The following HOMER1 variants were observed in gnomAD, a reference collection of about 807,000 sequenced individuals.
HOMER1 encodes the protein homer protein homolog 1.
Under a neutral mutation model 48.9 loss-of-function variants are expected in HOMER1, and 3 were observed. The ratio of observed to expected loss-of-function variants is 0.06; its 90% CI spans 0.03 to 0.16. The LOEUF is 0.16. Among genes scored for constraint, HOMER1 ranks in the 10% least tolerant of loss-of-function variants. The probability of loss-of-function intolerance (pLI) is 1.00; values close to 1 mark genes in which losing one functional copy is unlikely to be tolerated. For synonymous variants in HOMER1, 134 were observed against 146.4 expected (o/e 0.92, Z 0.61); for missense variants, 247 against 411.4 (o/e 0.60, Z 3.46).
intron 1 of HOMER1, among the ~76,000 whole-genome samples, chr5:79,464,978 C>T (rs1386979374): frequency 2.0e-5 from 3 of 152,076 alleles, no homozygotes; most frequent in Admixed American, 6.5e-5. Context: ...ATAGCAAATA[C>T]AAAATTGTAA....
intron 5 of HOMER1, among the ~76,000 whole-genome samples, chr5:79,425,936 A>G (rs1019852455): frequency 2.6e-5 from 4 of 152,080 alleles, no homozygotes; most frequent in Admixed American, 1.3e-4. Context: ...TTGCTAATAT[A>G]AAGTTCCAAT....
intron 1 of HOMER1, among the ~76,000 whole-genome samples, chr5:79,461,256 G>A (rs539631700): frequency 2.6e-4 from 40 of 152,238 alleles, no homozygotes; most frequent in African/African-American, 9.1e-4. Context: ...TAAAAATCTA[G>A]CTCTTAATCT....
chr5:79,416,319 T>A (rs1322759144), intron 5 of HOMER1, among the ~76,000 whole-genome samples: 3 of 152,098 alleles, frequency 2.0e-5, no homozygotes, highest in Admixed American at 1.3e-4. Context: ...AATGAGAAAA[T>A]AAGTAAACAG....
At chr5:79,451,556 C>CTTTTTTTTTT (rs71615542) in intron 2 of HOMER1, among the ~76,000 whole-genome samples, 1 of 64,630 alleles carries the variant, frequency 1.5e-5, no homozygotes, top group African/African-American at 9.2e-5. Flanking sequence ...AAATATGACA[C>CTTTTTTTTTT]TTTTTTTTTT....
intron 1 of HOMER1, among the ~76,000 whole-genome samples, chr5:79,499,058 T>A (rs71634977): frequency 0.02 from 3,019 of 152,114 alleles, 50 homozygotes; most frequent in East Asian, 0.1. Context: ...ATGGTCTTGA[T>A]CTCCTGATCT....
Position 79,397,599 on chromosome 5 carries a change from T to C in HOMER1, c.723A>G (p.Ala241=), listed in dbSNP as rs1749421757. 1.9e-6 allele frequency: 3 copies of C among 1,609,878 alleles called. No individual in the cohort carries two copies. The highest frequency in any genetic ancestry group is 2.5e-6 in the Non-Finnish European group (3 of 1,177,842). Reference sequence around the variant, plus strand: ...TTAATTCTGTCTTATGAGTATGTACTGCATTTGCTTGGCTACTAACACATT... The same window carrying C: ...TTAATTCTGTCTTATGAGTATGTACCGCATTTGCTTGGCTACTAACACATT... ...ELECVSSQAN[A]VHTHKTELNQ... Residue 241 remains alanine, a synonymous_variant, in exon 7 of 9, where the codon GCA becomes GCG. Transcript: ENST00000334082.
chr5:79,378,567 G>T (rs1748839469), intron 8 of HOMER1, among the ~76,000 whole-genome samples: 1 of 152,040 alleles, frequency 6.6e-6, no homozygotes, highest in African/African-American at 2.4e-5. Context: ...TAACTATGAG[G>T]GAGGACACAG....
chr5:79,405,492 C>T (rs1482273712), intron 5 of HOMER1, among the ~76,000 whole-genome samples: 1 of 152,194 alleles, frequency 6.6e-6, no homozygotes, highest in Admixed American at 6.5e-5. Context: ...TCTAATCAAG[C>T]TGGCTTTTCT....
intron 8 of HOMER1, among the ~76,000 whole-genome samples, chr5:79,394,761 C>A (rs931484577): frequency 1.3e-5 from 2 of 152,138 alleles, no homozygotes; most frequent in Non-Finnish European, 2.9e-5. Flanking sequence ...GTAGATGCAG[C>A]ATTTCGCTAT....
chr5:79,506,987 G>T (rs1190334275), intron 1 of HOMER1, among the ~76,000 whole-genome samples: 5 of 151,816 alleles, frequency 3.3e-5, no homozygotes, highest in Non-Finnish European at 7.4e-5. Context: ...GCCGAGGCAG[G>T]CAGATCACGA....
chr5:79,464,229 G>C (rs760018438), intron 1 of HOMER1, among the ~76,000 whole-genome samples: 4 of 152,190 alleles, frequency 2.6e-5, no homozygotes, highest in Non-Finnish European at 5.9e-5. Flanking sequence ...AGGAATAAGG[G>C]AAAGTAGGAG....
At chr5:79,434,072 A>G (rs1284940203) in intron 5 of HOMER1, among the ~76,000 whole-genome samples, 3 of 152,180 alleles carry the variant, frequency 2.0e-5, no homozygotes, top group African/African-American at 7.2e-5. Context: ...CCCATTTTCT[A>G]TCAAGGTAAT....
At chr5:79,451,985 C>A (rs1477056739) in intron 2 of HOMER1, among the ~76,000 whole-genome samples, 3 of 152,092 alleles carry the variant, frequency 2.0e-5, no homozygotes, top group African/African-American at 7.2e-5. Context: ...AAAAAACAAA[C>A]CTCTAAATAT....
chr5:79,428,737 T>G (rs560930538), intron 5 of HOMER1, among the ~76,000 whole-genome samples: 1 of 152,254 alleles, frequency 6.6e-6, no homozygotes, highest in East Asian at 1.9e-4. Flanking sequence ...GAAGAAAATC[T>G]ATACTCTGAA....
intron 5 of HOMER1, among the ~76,000 whole-genome samples, chr5:79,427,334 C>G (rs1750284563): frequency 6.6e-6 from 1 of 151,970 alleles, no homozygotes; most frequent in East Asian, 1.9e-4. Context: ...TAAGAACATG[C>G]TTTATATTCA....
At chr5:79,503,832 T>C (rs904322143) in intron 1 of HOMER1, among the ~76,000 whole-genome samples, 19 of 152,116 alleles carry the variant, frequency 1.2e-4, no homozygotes, top group Non-Finnish European at 2.2e-4. Context: ...CATCTTCACA[T>C]TGAGCAGGCT....
rs6862358 is a variant in HOMER1 at position 79,447,157 on chromosome 5, G to A, written c.295-12C>T. 825,113 of 1,547,676 alleles carry A rather than the reference G, an allele frequency of 0.53. 236,076 individuals carry two copies. Among genetic ancestry groups the A allele is most frequent in the East Asian group, 0.99 (44,207 of 44,632 alleles). ...AACTTTTCTGCAAACTGAATGTATA[G>A]AGACTACATACATTAACCAAATAAA... On this transcript the variant is annotated splice_polypyrimidine_tract_variant and intron_variant, in intron 3 of 8. Transcript: ENST00000334082.
chr5:79,441,322 C>T (rs1750729244), intron 4 of HOMER1, among the ~76,000 whole-genome samples: 1 of 152,042 alleles, frequency 6.6e-6, no homozygotes, highest in Admixed American at 6.6e-5. Flanking sequence ...CAGTTTGACT[C>T]ATGGTTGTTA....
chr5:79,408,853 T>C (rs1050808539), intron 5 of HOMER1, among the ~76,000 whole-genome samples: 3 of 151,942 alleles, frequency 2.0e-5, no homozygotes, highest in Admixed American at 6.6e-5. Context: ...GAGGCCAACA[T>C]GAGTGAATCA....
Sources: allele counts gnomAD v4.1 joint callset (sites outside exome capture counted in the v4.1 genomes callset), GRCh38; gene constraint gnomAD v4.1.1; transcripts MANE v1.5; gene names NCBI Gene and HGNC (gene_info 2026-07-23, HGNC 2026-07-21).